The following ETV6 variants were observed in gnomAD, a reference collection of about 807,000 sequenced individuals.
ETV6 encodes transcription factor ETV6.
A neutral mutation model predicts 51.1 loss-of-function variants in ETV6; 16 were observed. The ratio of observed to expected loss-of-function variants is 0.31; its 90% CI spans 0.21 to 0.48. The LOEUF is 0.48. Among genes scored for constraint, ETV6 ranks in the 20% least tolerant of loss-of-function variants. The pLI is 0.99. For synonymous variants in ETV6, 240 were observed against 224.1 expected, an observed-to-expected ratio of 1.07 and a Z score of -0.64; for missense variants, 458 against 594.8, an observed-to-expected ratio of 0.77 and a Z score of 2.39.
At chr12:11,751,965 C>A in intron 1 of ETV6, 1 of 363,562 alleles carries the variant, frequency 2.8e-6, no homozygotes, top group Non-Finnish European at 5.5e-6. Context: ...TTGAAGCTGT[C>A]ACTTTACTTG....
intron 2 of ETV6, among the ~76,000 whole-genome samples, chr12:11,797,939 G>A (rs562153756): frequency 1.3e-5 from 2 of 152,326 alleles, no homozygotes; most frequent in African/African-American, 2.4e-5. Context: ...ATATAAGATA[G>A]TTTTGTGTGA....
intron 1 of ETV6, among the ~76,000 whole-genome samples, chr12:11,696,928 T>A (rs1311746175): frequency 6.6e-6 from 1 of 152,266 alleles, no homozygotes; most frequent in African/African-American, 2.4e-5. Context: ...TACATCATCT[T>A]TTTATTTCTA....
At chr12:11,787,104 A>G (rs747506648) in intron 2 of ETV6, among the ~76,000 whole-genome samples, 22 of 152,184 alleles carry the variant, frequency 1.4e-4, no homozygotes, top group Non-Finnish European at 2.4e-4. Flanking sequence ...TGGTAATTCT[A>G]TATTTGGAGA....
At chr12:11,763,414 T>C (rs186940199) in intron 2 of ETV6, among the ~76,000 whole-genome samples, 100 of 152,352 alleles carry the variant, frequency 6.6e-4, no homozygotes, top group African/African-American at 2.1e-3. Flanking sequence ...AGAGAGGTTT[T>C]CTTCACTTGA....
At chr12:11,875,026 C>A (rs1946960208) in intron 5 of ETV6, among the ~76,000 whole-genome samples, 1 of 141,736 alleles carries the variant, frequency 7.1e-6, no homozygotes, top group African/African-American at 2.6e-5. Context: ...GCACATGTAC[C>A]CTAAAACTTA....
chr12:11,846,743 A>G (rs923746541), intron 3 of ETV6, among the ~76,000 whole-genome samples: 17 of 152,244 alleles, frequency 1.1e-4, no homozygotes, highest in African/African-American at 3.4e-4. Context: ...CCTCACAGCC[A>G]TTCATTCACT....
chr12:11,862,593 C>T (rs1413280337), intron 4 of ETV6, among the ~76,000 whole-genome samples: 1 of 152,158 alleles, frequency 6.6e-6, no homozygotes, highest in Non-Finnish European at 1.5e-5. Context: ...CATTCCTTGC[C>T]TTGGAGGTCT....
chr12:11,698,388 C>T (rs1864918481), intron 1 of ETV6, among the ~76,000 whole-genome samples: 2 of 152,220 alleles, frequency 1.3e-5, no homozygotes, highest in Admixed American at 1.3e-4. Flanking sequence ...TGCAAAGGGT[C>T]TCAGAAGGCT....
At chr12:11,738,324 TTTTTA>T (rs1385709958) in intron 1 of ETV6, among the ~76,000 whole-genome samples, 4 of 57,910 alleles carry the variant, frequency 6.9e-5, no homozygotes, top group African/African-American at 1.5e-4. Context: ...TTTTTTTTTT[TTTTTA>T]AATTTGAGAC....
intron 2 of ETV6, among the ~76,000 whole-genome samples, chr12:11,792,852 C>T (rs990666717): frequency 6.6e-6 from 1 of 152,036 alleles, no homozygotes; most frequent in African/African-American, 2.4e-5. Flanking sequence ...ATGTATGCAA[C>T]CCAGAAGGTT....
At chr12:11,783,763 A>G (rs1302668817) in intron 2 of ETV6, among the ~76,000 whole-genome samples, 1 of 152,258 alleles carries the variant, frequency 6.6e-6, no homozygotes, top group Non-Finnish European at 1.5e-5. Flanking sequence ...GTGTGTGAAC[A>G]TAAGACAGTT....
chr12:11,674,874 A>G (rs933292235), intron 1 of ETV6, among the ~76,000 whole-genome samples: 2 of 152,016 alleles, frequency 1.3e-5, no homozygotes, highest in African/African-American at 4.8e-5. Context: ...GGATCCACCA[A>G]TTCCCCGCTT....
intron 1 of ETV6, among the ~76,000 whole-genome samples, chr12:11,700,224 T>C (rs1864953215): frequency 6.6e-6 from 1 of 152,242 alleles, no homozygotes; most frequent in Non-Finnish European, 1.5e-5. Flanking sequence ...GAAAAATATC[T>C]GTGTATAACT....
chr12:11,694,233 T>C (rs1275710361), intron 1 of ETV6, among the ~76,000 whole-genome samples: 1 of 152,204 alleles, frequency 6.6e-6, no homozygotes, highest in Non-Finnish European at 1.5e-5. Flanking sequence ...GTTTGAACTC[T>C]ACCCCTGCTG....
At chr12:11,878,475 C>G (rs939549893) in intron 5 of ETV6, among the ~76,000 whole-genome samples, 1 of 152,120 alleles carries the variant, frequency 6.6e-6, no homozygotes, top group African/African-American at 2.4e-5. Context: ...TTATTAGGTT[C>G]TGACTGCGGG....
At chr12:11,750,603 A>G (rs979938451) in intron 1 of ETV6, among the ~76,000 whole-genome samples, 1 of 152,220 alleles carries the variant, frequency 6.6e-6, no homozygotes, top group Non-Finnish European at 1.5e-5. Flanking sequence ...AACAAAACAG[A>G]AAGCTATTTC....
Position 11,893,315 on chromosome 12 carries a change from G to T in ETV6, c.*2269G>T, listed in dbSNP as rs976163641. ...GCTAGGATTAGAGCCTCTCAGTCTG[G>T]CCTCTTCACCCAAGTGCAAGAACTC... On this transcript the variant is annotated 3_prime_UTR_variant, in exon 8 of 8. Coordinates refer to ENST00000396373, the MANE Select transcript of ETV6 (RefSeq NM_001987.5). 22 of 232,090 alleles carry T rather than the reference G, an allele frequency of 9.5e-5. No individual in the cohort carries two copies. Among genetic ancestry groups the T allele is most frequent in the Non-Finnish European group, 1.5e-4 (18 of 117,616 alleles). 14.4% of individuals were successfully genotyped at this position (232,090 alleles called of 1,614,324 possible).
chr12:11,892,534 A>G lies in ETV6; in HGVS notation c.*1488A>G, dbSNP rs775791725. The G allele has an allele frequency of 2.7e-4, 63 of 231,856 alleles. No homozygotes were observed. Among genetic ancestry groups the G allele is most frequent in the Non-Finnish European group, 4.2e-4 (49 of 117,828 alleles). The allele number at this position is 231,856 out of a possible 1,614,324, so 14.4% of individuals were successfully genotyped here. Reference sequence around the variant, plus strand: ...TTTTTTTTTCCTTTTCTAGCCATCTAAATTGACTCTTCCAATATAGGTCTC... The same window carrying G: ...TTTTTTTTTCCTTTTCTAGCCATCTGAATTGACTCTTCCAATATAGGTCTC... On this transcript the variant is annotated 3_prime_UTR_variant, in exon 8 of 8. Coordinates refer to ENST00000396373, the MANE Select transcript of ETV6 (RefSeq NM_001987.5).
chr12:11,826,053 C>A (rs1479734803), intron 2 of ETV6, among the ~76,000 whole-genome samples: 1 of 152,008 alleles, frequency 6.6e-6, no homozygotes, highest in Non-Finnish European at 1.5e-5. Context: ...CCAGGCTGGT[C>A]TCGAACTCCT....
Sources: allele counts gnomAD v4.1 joint callset (sites outside exome capture counted in the v4.1 genomes callset), GRCh38; gene constraint gnomAD v4.1.1; transcripts MANE v1.5; gene names NCBI Gene and HGNC (gene_info 2026-07-23, HGNC 2026-07-21).